The following CHD3 variants were observed in gnomAD, a reference collection of about 807,000 sequenced individuals.
The protein encoded by CHD3 is chromodomain helicase DNA binding protein 3.
CHD3 carries 52 observed loss-of-function variants against 248.9 expected under a neutral mutation model. That is an observed-to-expected ratio of 0.21 (90% CI 0.17 to 0.26). CHD3 has a LOEUF of 0.26. Ranked by LOEUF, CHD3 falls within the 10% of genes least tolerant of loss-of-function variation. CHD3 has a pLI of 1.00. For missense variants in CHD3, 1,482 were observed against 2,605.8 expected (o/e 0.57, Z 9.39); for synonymous variants, 985 against 985.2 (o/e 1.00, Z 0.00).
chr17:7,909,750 A>C lies in CHD3; in HGVS notation c.5590+412A>C. Reference sequence around the variant, plus strand: ...CATTCCCTCACATGTGTTTCACCCCATAAGGCAGAAACTACCACCCATCCA... The same window carrying C: ...CATTCCCTCACATGTGTTTCACCCCCTAAGGCAGAAACTACCACCCATCCA... On this transcript the variant is annotated intron_variant, in intron 37 of 39. Coordinates refer to ENST00000330494, the MANE Select transcript of CHD3 (RefSeq NM_001005273.3). The surrounding 1 kb of genome is among the most constrained non-coding windows in gnomAD (Gnocchi z 8.1). 9.7e-6 allele frequency: 2 copies of C among 205,234 alleles called. No individual in the cohort carries two copies. Among genetic ancestry groups the C allele is most frequent in the Non-Finnish European group, 2.0e-5 (2 of 101,860 alleles). The allele number at this position is 205,234 out of a possible 1,614,324, so 12.7% of individuals were successfully genotyped here.
chr17:7,904,814 C>T lies in CHD3; in HGVS notation c.4072+195C>T, dbSNP rs568145842. 2.0e-5 allele frequency among the ~76,000 whole-genome samples: 3 copies of T among 152,126 alleles called. No homozygotes were observed. The highest frequency in any genetic ancestry group is 4.4e-5 in the Non-Finnish European group (3 of 68,028). On this transcript the variant is annotated intron_variant, in intron 25 of 39. Transcript: ENST00000330494. This position sits in a 1 kb window ranked among gnomAD's most constrained non-coding sequence, Gnocchi z 4.4. ...GGGTTTGCAGGAGATTTAAACTCTT[C>T]GGTGGTTGCACAGGCATCCTGTGGA...
chr17:7,898,447 C>T (rs374255213), intron 12 of CHD3, 49 bp from the exon 13 acceptor site: 34 of 1,356,692 alleles, frequency 2.5e-5, no homozygotes, highest in South Asian at 1.8e-4. Flanking sequence ...GAAAAGAAAG[C>T]GTAGGACTCC....
chr17:7,907,278 C>T lies in CHD3; in HGVS notation c.4788+31C>T, dbSNP rs60424695. 0.05 allele frequency: 80,242 copies of T among 1,613,840 alleles called. 2,218 individuals carry two copies. Among genetic ancestry groups the T allele is most frequent in the Non-Finnish European group, 0.058 (68,024 of 1,179,856 alleles). ...TGGCTCCCTGGATTCCCCTGTGGAG[C>T]GGGAGGGGAGGGGGCTTGGAGGCCA... On this transcript the variant is annotated intron_variant, in intron 31 of 39. Transcript: ENST00000330494. The surrounding 1 kb of genome is among the most constrained non-coding windows in gnomAD (Gnocchi z 4.3).
rs760313599 is a variant in CHD3 at position 7,899,250 on chromosome 17, G to A, written c.2343+48G>A. ...AGGGGACCGCCTGGACTGGGGAAGT[G>A]GGGAGGGGGAAGATAAAGGGGTGTA... On this transcript the variant is annotated intron_variant, in intron 14 of 39. Coordinates refer to ENST00000330494, the MANE Select transcript of CHD3 (RefSeq NM_001005273.3). This position sits in a 1 kb window ranked among gnomAD's most constrained non-coding sequence, Gnocchi z 6.8. 3 of 1,602,746 alleles carry A rather than the reference G, an allele frequency of 1.9e-6. No homozygotes were observed. The highest frequency in any genetic ancestry group is 1.3e-5 in the African/African-American group (1 of 74,728).
chr17:7,906,969 C>T lies in CHD3; in HGVS notation c.4604C>T (p.Thr1535Ile), dbSNP rs762974616. 1.2e-6 allele frequency: 2 copies of T among 1,614,058 alleles called. No individual in the cohort carries two copies. Among genetic ancestry groups the T allele is most frequent in the African/African-American group, 2.7e-5 (2 of 74,908 alleles). The change falls in exon 30 of 40, where the codon ACC (threonine) becomes ATC (isoleucine). Residue 1535 changes from threonine (T) to isoleucine (I), a missense_variant. Thr to Ile is a moderately conservative substitution (Grantham distance 89). This residue lies in a region of CHD3 where 254 missense variants were observed against 266.7 expected (regional missense o/e 0.95). Coordinates refer to ENST00000330494, the MANE Select transcript of CHD3 (RefSeq NM_001005273.3). This position sits in a 1 kb window ranked among gnomAD's most constrained non-coding sequence, Gnocchi z 5.0. Reference protein sequence around the residue: ...SKRSSRASSPTKTSPTTPEAS... With the variant: ...SKRSSRASSPIKTSPTTPEAS... ...CGCTCCTCCAGAGCCTCCTCTCCTA[C>T]CAAAACGTCTCCCACCACTCCTGAG...
At position 7,898,533 on chromosome 17, in the gene CHD3, A is replaced by G. The variant is rs1330504097; in HGVS notation, c.2089A>G (p.Lys697Glu). The part of the protein sequence containing the change: ...IMGEDPAQPR[K>E]YKKKKKELQG... ...GGGGGAAGACCCTGCCCAGCCCCGC[A>G]AGTATAAGAAGAAGAAGAAGGAGCT... Residue 697 changes from lysine (K) to glutamate (E), a missense_variant, in exon 13 of 40, where the codon AAG becomes GAG. Physicochemically the swap from Lys to Glu is moderately conservative, Grantham distance 56 (BLOSUM62 1). Coordinates refer to ENST00000330494, the MANE Select transcript of CHD3 (RefSeq NM_001005273.3). 2 of 1,614,082 alleles carry G rather than the reference A, an allele frequency of 1.2e-6. No homozygotes were observed. Among genetic ancestry groups the G allele is most frequent in the Non-Finnish European group, 1.7e-6 (2 of 1,179,980 alleles).
At position 7,904,964 on chromosome 17, in the gene CHD3, C is replaced by T. The variant is rs2151620316; in HGVS notation, c.4073-136C>T. 1 of 793,240 alleles carries T rather than the reference C, an allele frequency of 1.3e-6. No homozygotes were observed. The highest frequency in any genetic ancestry group is 1.7e-5 in the African/African-American group (1 of 58,524). The allele number at this position is 793,240 out of a possible 1,614,324, so 49.1% of individuals were successfully genotyped here. A position where few individuals can be genotyped will look rare whatever the true frequency, so the allele number is the denominator to read the frequency against. Reference sequence around the variant, plus strand: ...CCCAAGTCAGACTTTGGGCAGTGATCTGGTGTTCCCAGAAGGACCAAGGCC... The same window carrying T: ...CCCAAGTCAGACTTTGGGCAGTGATTTGGTGTTCCCAGAAGGACCAAGGCC... On this transcript the variant is annotated intron_variant, in intron 25 of 39. Coordinates refer to ENST00000330494, the MANE Select transcript of CHD3 (RefSeq NM_001005273.3). The surrounding 1 kb of genome is among the most constrained non-coding windows in gnomAD (Gnocchi z 4.4).
At chr17:7,885,743 C>T (rs980563911), upstream of CHD3, among the ~76,000 whole-genome samples, 1 of 152,116 alleles carries the variant, frequency 6.6e-6, no homozygotes, top group African/African-American at 2.4e-5. Flanking sequence ...ACTTAGGTGC[C>T]CGCCAACTGA....
chr17:7,906,770 G>T lies in CHD3; in HGVS notation c.4503+73G>T. On this transcript the variant is annotated intron_variant, in intron 29 of 39. Transcript: ENST00000330494. The surrounding 1 kb of genome is among the most constrained non-coding windows in gnomAD (Gnocchi z 5.0). The stretch of plus-strand genomic sequence containing the variant: ...CTGTCCTTCCTCTGCCTCTGTCCCT[G>T]AGTTGTAAGCTTGCGCTGGTGTGAG... 1 of 1,586,192 alleles carries T rather than the reference G, an allele frequency of 6.3e-7. No individual in the cohort carries two copies. The highest frequency in any genetic ancestry group is 8.6e-7 in the Non-Finnish European group (1 of 1,164,866).
At chr17:7,886,713 G>T (rs951849598), upstream of CHD3, among the ~76,000 whole-genome samples, 2 of 152,122 alleles carry the variant, frequency 1.3e-5, no homozygotes, top group African/African-American at 4.8e-5. This position sits in a 1 kb window ranked among gnomAD's most constrained non-coding sequence, Gnocchi z 4.2. Flanking sequence ...TGCCTTTGGG[G>T]TTGCCTCCGG....
rs1023449472 is a variant in CHD3 at position 7,900,117 on chromosome 17, G to T, written c.2682+84G>T. On this transcript the variant is annotated intron_variant, in intron 16 of 39. Transcript: ENST00000330494. This position sits in a 1 kb window ranked among gnomAD's most constrained non-coding sequence, Gnocchi z 6.5. ...TCCTAAAAAACAACAAAAATTCTGGGGATTTTCTGTAGTCTGGGAGGACGT... is the reference window on the plus strand; with the variant it reads ...TCCTAAAAAACAACAAAAATTCTGGTGATTTTCTGTAGTCTGGGAGGACGT... 6 of 1,534,334 alleles carry T rather than the reference G, an allele frequency of 3.9e-6. No homozygotes were observed. The African/African-American group carries it at 8.3e-5, about 21-fold the overall frequency.
chr17:7,904,955 G>A lies in CHD3; in HGVS notation c.4073-145G>A, dbSNP rs111368246. The stretch of plus-strand genomic sequence containing the variant: ...TATGCGGCTCCCAAGTCAGACTTTG[G>A]GCAGTGATCTGGTGTTCCCAGAAGG... On this transcript the variant is annotated intron_variant, in intron 25 of 39. Coordinates refer to ENST00000330494, the MANE Select transcript of CHD3 (RefSeq NM_001005273.3). This position sits in a 1 kb window ranked among gnomAD's most constrained non-coding sequence, Gnocchi z 4.4. 1.3e-6 allele frequency: 1 copy of A among 744,890 alleles called. No individual in the cohort carries two copies. Among genetic ancestry groups the A allele is most frequent in the East Asian group, 2.6e-5 (1 of 38,936 alleles). The allele number at this position is 744,890 out of a possible 1,614,324, so 46.1% of individuals were successfully genotyped here. A position where few individuals can be genotyped will look rare whatever the true frequency, so the allele number is the denominator to read the frequency against.
At chr17:7,888,677 G>T (rs1425249964), upstream of CHD3, 2 of 439,236 alleles carry the variant, frequency 4.6e-6, no homozygotes, top group East Asian at 1.4e-4. Flanking sequence ...TGCTGAAGCA[G>T]GTACAGGCCA....
At position 7,900,830 on chromosome 17, in the gene CHD3, A is replaced by G. The variant is rs1471501811; in HGVS notation, c.2979-22A>G. Reference sequence around the variant, plus strand: ...TGCTTCCTTTATTTATGTTTCTTTTACACCCCTTTCCTGGCCTTTAGGAAA... The same window carrying G: ...TGCTTCCTTTATTTATGTTTCTTTTGCACCCCTTTCCTGGCCTTTAGGAAA... On this transcript the variant is annotated intron_variant, in intron 18 of 39. Transcript: ENST00000330494. The surrounding 1 kb of genome is among the most constrained non-coding windows in gnomAD (Gnocchi z 6.5). The G allele has an allele frequency of 1.2e-6, 2 of 1,612,712 alleles. No individual in the cohort carries two copies. The highest frequency in any genetic ancestry group is 2.7e-5 in the African/African-American group (2 of 74,730).
rs369420111 is a variant in CHD3 at position 7,907,683 on chromosome 17, A to C, written c.5007A>C (p.Thr1669=). Residue 1669 remains threonine, a synonymous_variant, in exon 33 of 40, where the codon ACA becomes ACC. Coordinates refer to ENST00000330494, the MANE Select transcript of CHD3 (RefSeq NM_001005273.3). This position sits in a 1 kb window ranked among gnomAD's most constrained non-coding sequence, Gnocchi z 4.3. ...QEHRERPEGE[T]GDLGKREDVK... ...ACAGGGAGAGGCCGGAGGGGGAAAC[A>C]GGGGATTTGGGCAAGAGAGGTAATG... 3.9e-6 allele frequency: 6 copies of C among 1,534,722 alleles called. No individual in the cohort carries two copies. The African/African-American group carries it at 7.0e-5, about 18-fold the overall frequency.
In CHD3 at chr17:7,909,362, C is replaced by T. The variant is rs1567875348; in HGVS notation, c.5590+24C>T. 9.9e-6 allele frequency: 15 copies of T among 1,522,412 alleles called. No homozygotes were observed. Among genetic ancestry groups the T allele is most frequent in the African/African-American group, 1.4e-5 (1 of 72,198 alleles). 94.3% of individuals were successfully genotyped at this position (1,522,412 alleles called of 1,614,324 possible). ...GGGTAAGGGCCGCGGCGGCCCCGCG[C>T]GGGGGAGGGCCCACAACGCTGCGTA... On this transcript the variant is annotated intron_variant, in intron 37 of 39. Coordinates refer to ENST00000330494, the MANE Select transcript of CHD3 (RefSeq NM_001005273.3). The surrounding 1 kb of genome is among the most constrained non-coding windows in gnomAD (Gnocchi z 8.1).
chr17:7,895,104 C>G lies in CHD3; in HGVS notation c.1457C>G (p.Pro486Arg). The G allele has an allele frequency of 6.2e-7, 1 of 1,614,066 alleles. No homozygotes were observed. Among genetic ancestry groups the G allele is most frequent in the Non-Finnish European group, 8.5e-7 (1 of 1,179,992 alleles). ...TACCACATTCATTGTCTAAACCCTC[C>G]CCTGCCTGACATTCCCAATGGTGAA... is the stretch of plus-strand genomic sequence containing the variant. ...SSYHIHCLNP[P>R]LPDIPNGEWL... is the part of the protein sequence containing the mutation. Residue 486 changes from proline to arginine, a missense_variant, in exon 9 of 40, where the codon CCC becomes CGC. By Grantham distance (103) the Pro-to-Arg change is moderately radical. Coordinates refer to ENST00000330494, the MANE Select transcript of CHD3 (RefSeq NM_001005273.3). The surrounding 1 kb of genome is among the most constrained non-coding windows in gnomAD (Gnocchi z 4.9).
chr17:7,895,234 A>G lies in CHD3; in HGVS notation c.1503+84A>G. 1 of 1,581,542 alleles carries G rather than the reference A, an allele frequency of 6.3e-7. No homozygotes were observed. Among genetic ancestry groups the G allele is most frequent in the Non-Finnish European group, 8.6e-7 (1 of 1,160,840 alleles). On this transcript the variant is annotated intron_variant, in intron 9 of 39. Coordinates refer to ENST00000330494, the MANE Select transcript of CHD3 (RefSeq NM_001005273.3). This position sits in a 1 kb window ranked among gnomAD's most constrained non-coding sequence, Gnocchi z 4.9. ...CTGGGGCCCACATGTCCAGCTTTTC[A>G]TTTCTCTGCACTCCCCCACCCTTGT... is the stretch of plus-strand genomic sequence containing the variant.
upstream of CHD3, among the ~76,000 whole-genome samples, chr17:7,888,429 G>C (rs556461264): frequency 6.6e-6 from 1 of 152,322 alleles, no homozygotes; most frequent in South Asian, 2.1e-4. Context: ...ATCTTGCATC[G>C]GCTGCCTCTC....
Sources: gnomAD v4.1 joint callset for allele counts (sites outside exome capture counted in the v4.1 genomes callset) on GRCh38, gnomAD v4.1.1 for gene constraint, gnomAD v4.1.1 regional missense constraint, Gnocchi (gnomAD v3.1) non-coding constraint, MANE v1.5 for transcripts, NCBI Gene and HGNC (gene_info 2026-07-23, HGNC 2026-07-21) for gene names.